Variants in VAV2 observed in about 807,000 individuals in gnomAD.
VAV2 encodes the protein guanine nucleotide exchange factor VAV2.
A neutral mutation model predicts 132.5 loss-of-function variants in VAV2; 67 were observed. The ratio of observed to expected loss-of-function variants is 0.51; its 90% confidence interval spans 0.42 to 0.62. The LOEUF (loss-of-function observed/expected upper bound fraction) is 0.62, where lower values mean the gene tolerates loss of function less well. Ranked by LOEUF, VAV2 falls within the 20% of genes least tolerant of loss-of-function variation. The pLI is 0.00. For synonymous variants in VAV2, 492 were observed against 443.5 expected (o/e 1.11, Z -1.37); for missense variants, 938 against 1,153.6 (o/e 0.81, Z 2.71).
rs898665322 is a variant in VAV2, at chr9:133,885,583, G to A, written c.322-24151C>T. On this transcript the variant is annotated intron_variant, in intron 2 of 29. Transcript: ENST00000371850. The surrounding 1 kb of genome is among the most constrained non-coding windows in gnomAD (Gnocchi z 5.0). ...TTTACACAAGCAAGGTGCTCAGGCCGCAGGGGAGACGTGACCCCAGGGCGG... is the reference window on the plus strand; with the variant it reads ...TTTACACAAGCAAGGTGCTCAGGCCACAGGGGAGACGTGACCCCAGGGCGG... 1.3e-5 allele frequency among the ~76,000 whole-genome samples: 2 copies of A among 152,192 alleles called. No individual in the cohort carries two copies. The highest frequency in any genetic ancestry group is 2.4e-5 in the African/African-American group (1 of 41,446).
At chr9:133,905,832 T>G (rs909557423) in intron 2 of VAV2, among the ~76,000 whole-genome samples, 1 of 150,600 alleles carries the variant, frequency 6.6e-6, no homozygotes, top group Non-Finnish European at 1.5e-5. Flanking sequence ...AGCCCAAGAG[T>G]TCAAGACCAG....
intron 10 of VAV2, among the ~76,000 whole-genome samples, chr9:133,796,830 T>A (rs1324975490): frequency 6.6e-6 from 1 of 152,164 alleles, no homozygotes; most frequent in African/African-American, 2.4e-5. Flanking sequence ...TGGCCTTGAC[T>A]CTTCCGCCAG....
Position 133,804,696 on chromosome 9 carries a change from G to C in VAV2, c.836+1385C>G, listed in dbSNP as rs746044981. 6.6e-6 allele frequency among the ~76,000 whole-genome samples: 1 copy of C among 152,214 alleles called. No homozygotes were observed. The highest frequency in any genetic ancestry group is 2.4e-5 in the African/African-American group (1 of 41,454). On this transcript the variant is annotated intron_variant, in intron 9 of 29. Coordinates refer to ENST00000371850, the MANE Select transcript of VAV2 (RefSeq NM_001134398.2). This position sits in a 1 kb window ranked among gnomAD's most constrained non-coding sequence, Gnocchi z 4.5. ...AAAAGGACCACTGTACCCCACACCT[G>C]CTGAGGACTGGGGCGACAGCCAGTG...
chr9:133,910,749 G>A (rs377346841), intron 2 of VAV2, among the ~76,000 whole-genome samples: 9 of 151,330 alleles, frequency 5.9e-5, no homozygotes, highest in African/African-American at 1.9e-4. Context: ...GCGTGAACCC[G>A]GGAGGTGGAG....
chr9:133,842,464 C>A (rs957872259), intron 3 of VAV2, among the ~76,000 whole-genome samples: 1 of 152,230 alleles, frequency 6.6e-6, no homozygotes, highest in Non-Finnish European at 1.5e-5. Flanking sequence ...AGGCCAGGTG[C>A]GGCCAGCCCT....
intron 2 of VAV2, among the ~76,000 whole-genome samples, chr9:133,909,412 TC>T (rs1839796537): frequency 2.0e-5 from 3 of 152,306 alleles, no homozygotes; most frequent in Middle Eastern, 3.4e-3. Context: ...CCTCTGTTTC[TC>T]CATCTGCAAA....
In VAV2 at chr9:133,784,398, T is replaced by C; in HGVS notation, c.1553A>G (p.Lys518Arg). ...EMAMSNIKPDKANANHHSFQM... is the reference protein window; with the variant it reads ...EMAMSNIKPDRANANHHSFQM... ...GAAACTGTGGTGGTTGGCATTGGCT[T>C]TGTCTGGCTTGATGTTTGACCTGGC... is the stretch of plus-strand genomic sequence containing the variant. The change falls in exon 18 of 30, where the codon AAA becomes AGA. Residue 518 changes from lysine to arginine, a missense_variant. Coordinates refer to ENST00000371850, the MANE Select transcript of VAV2 (RefSeq NM_001134398.2). The C allele has an allele frequency of 6.2e-7, 1 of 1,614,178 alleles. No individual in the cohort carries two copies. Among genetic ancestry groups the C allele is most frequent in the Non-Finnish European group, 8.5e-7 (1 of 1,180,004 alleles).
chr9:133,884,860 C>T lies in VAV2; in HGVS notation c.322-23428G>A, dbSNP rs1838639188. Among the ~76,000 whole-genome samples the T allele has an allele frequency of 6.6e-6, 1 of 152,136 alleles. No individual in the cohort carries two copies. Among genetic ancestry groups the T allele is most frequent in the Non-Finnish European group, 1.5e-5 (1 of 68,032 alleles). The stretch of plus-strand genomic sequence containing the variant: ...CTCTATCAGAGACCACAGGTGCACA[C>T]AAGCATCCCCTCCCACTCAGCCAGA... On this transcript the variant is annotated intron_variant, in intron 2 of 29. Transcript: ENST00000371850. This position sits in a 1 kb window ranked among gnomAD's most constrained non-coding sequence, Gnocchi z 5.3.
intron 1 of VAV2, among the ~76,000 whole-genome samples, chr9:133,973,261 C>T (rs1191161152): frequency 3.3e-5 from 5 of 152,224 alleles, no homozygotes; most frequent in African/African-American, 9.6e-5. Context: ...CCCAGAGCGT[C>T]AACCCCCTGC....
chr9:133,787,454 T>C (rs1315940978), intron 15 of VAV2, among the ~76,000 whole-genome samples, 194 bp from the exon 16 acceptor site: 5 of 152,184 alleles, frequency 3.3e-5, no homozygotes, highest in African/African-American at 7.2e-5. Flanking sequence ...GTGGCAGGAC[T>C]GCCTCATGGG....
At chr9:133,904,265 A>T (rs905835686) in intron 2 of VAV2, among the ~76,000 whole-genome samples, 49 of 152,362 alleles carry the variant, frequency 3.2e-4, no homozygotes, top group African/African-American at 1.2e-3. Flanking sequence ...AGACCCCTCT[A>T]GAGAACTGAA....
chr9:133,775,931 G>T, intron 24 of VAV2, 97 bp downstream of exon 24: 3 of 1,470,376 alleles, frequency 2.0e-6, no homozygotes, highest in Non-Finnish European at 1.8e-6. Context: ...CCTCCACCCT[G>T]CTGGGCCGCT....
In VAV2 at chr9:133,778,797, G is replaced by C. The variant is rs1833904127; in HGVS notation, c.1855C>G (p.Leu619Val). ...GGAGACTCAGGGTCGCCCCTCAGCA[G>C]CTCAAGCACGTCGCCCGTCTGGAAG... Reference protein sequence around the residue: ...LTFQTGDVLELLRGDPESPWW... With the variant: ...LTFQTGDVLEVLRGDPESPWW... Residue 619 changes from leucine (L) to valine (V), a missense_variant, in exon 22 of 30, where the codon CTG becomes GTG. Leu to Val is a conservative substitution (Grantham distance 32). Transcript: ENST00000371850. The C allele has an allele frequency of 6.2e-7, 1 of 1,612,912 alleles. No individual in the cohort carries two copies.
intron 1 of VAV2, among the ~76,000 whole-genome samples, chr9:133,962,967 C>T (rs1252193877): frequency 1.3e-5 from 2 of 152,286 alleles, no homozygotes; most frequent in South Asian, 2.1e-4. Flanking sequence ...ATCTCAATTT[C>T]GCCAAGAGGT....
rs1393107444 is a variant in VAV2, at chr9:133,918,527, T to C, written c.321+20576A>G. 1.4e-5 allele frequency among the ~76,000 whole-genome samples: 2 copies of C among 147,624 alleles called. No homozygotes were observed. Among genetic ancestry groups the C allele is most frequent in the Non-Finnish European group, 3.0e-5 (2 of 67,774 alleles). ...TGAGCCCCAACTAGTGCCAGGACAG[T>C]GCCAAGTCCTTCACGGCAGCTCATT... is the stretch of plus-strand genomic sequence containing the variant. On this transcript the variant is annotated intron_variant, in intron 2 of 29. Coordinates refer to ENST00000371850, the MANE Select transcript of VAV2 (RefSeq NM_001134398.2). This position sits in a 1 kb window ranked among gnomAD's most constrained non-coding sequence, Gnocchi z 4.7.
chr9:133,915,877 CCA>C (rs1840066287), intron 2 of VAV2, among the ~76,000 whole-genome samples: 1 of 144,900 alleles, frequency 6.9e-6, no homozygotes, highest in African/African-American at 2.6e-5. Context: ...TACACGCGAC[CCA>C]CACATGCACA....
intron 16 of VAV2, 109 bp downstream of exon 16, chr9:133,787,137 C>T: frequency 7.8e-7 from 1 of 1,283,158 alleles, no homozygotes; most frequent in African/African-American, 1.5e-5. Context: ...CCAAGAAAAC[C>T]CTGAGCCCAG....
At chr9:133,846,195 G>A (rs1036263799) in intron 3 of VAV2, among the ~76,000 whole-genome samples, 8 of 152,226 alleles carry the variant, frequency 5.3e-5, no homozygotes, top group Non-Finnish European at 1.0e-4. Context: ...GAAAGTGGCA[G>A]AGGTGGGCTG....
chr9:133,871,391 T>C (rs1475850176), intron 2 of VAV2, among the ~76,000 whole-genome samples: 1 of 147,606 alleles, frequency 6.8e-6, no homozygotes, highest in Non-Finnish European at 1.5e-5. Context: ...GATGGATGAA[T>C]AGATGGACGG....
Sources: allele counts gnomAD v4.1 joint callset (sites outside exome capture counted in the v4.1 genomes callset), GRCh38; gene constraint gnomAD v4.1.1; non-coding constraint Gnocchi (gnomAD v3.1); transcripts MANE v1.5; gene names NCBI Gene and HGNC (gene_info 2026-07-23, HGNC 2026-07-21).